Variants in LAMB1 observed in about 807,000 individuals in gnomAD.
The protein encoded by LAMB1 is laminin subunit beta-1.
In LAMB1, 121 loss-of-function variants were observed where a neutral mutation model predicts 222.3. That is an observed-to-expected ratio of 0.54 (90% CI 0.47 to 0.63). The LOEUF (loss-of-function observed/expected upper bound fraction) is 0.63. LAMB1 is among the 30% of genes least tolerant of loss of function. The pLI, the probability that LAMB1 is intolerant of heterozygous loss-of-function variation, is 0.00. For missense variants in LAMB1, 2,172 were observed against 2,240.8 expected (o/e 0.97, Z 0.62); for synonymous variants, 794 against 807.2 (o/e 0.98, Z 0.28).
At chr7:107,934,613 C>G (rs1028726764) in intron 27 of LAMB1, among the ~76,000 whole-genome samples, 5 of 152,070 alleles carry the variant, frequency 3.3e-5, no homozygotes, top group African/African-American at 1.2e-4. Context: ...CAGGGTTAAT[C>G]TTCACCAGGT....
chr7:107,982,674 C>T (rs1165199255), intron 7 of LAMB1, among the ~76,000 whole-genome samples: 2 of 152,080 alleles, frequency 1.3e-5, no homozygotes, highest in Non-Finnish European at 2.9e-5. Context: ...TGTGGAAACC[C>T]CTCAGTAGAG....
Position 107,940,156 on chromosome 7 carries a change from G to C in LAMB1, c.3594C>G (p.His1198Gln). 2 of 1,614,156 alleles carry C rather than the reference G, an allele frequency of 1.2e-6. No individual in the cohort carries two copies. The highest frequency in any genetic ancestry group is 1.1e-5 in the South Asian group (1 of 91,072). Residue 1198 changes from histidine to glutamine, a missense_variant, in exon 25 of 34, where the codon CAC (histidine) becomes CAG (glutamine). Coordinates refer to ENST00000222399, the MANE Select transcript of LAMB1 (RefSeq NM_002291.3). ...AGGCCTTGGCTTTCTCCAGGAATCT[G>C]TGTGTCCTGTTGGTCAGCTCGGCAA... ...VIIAELTNRTHRFLEKAKALK... is the reference protein window; with the variant it reads ...VIIAELTNRTQRFLEKAKALK...
chr7:107,988,115 CT>C (rs2034113853), intron 5 of LAMB1, among the ~76,000 whole-genome samples: 1 of 152,196 alleles, frequency 6.6e-6, no homozygotes, highest in African/African-American at 2.4e-5. Flanking sequence ...GAACTGACCA[CT>C]CTGAAAATTT....
intron 24 of LAMB1, among the ~76,000 whole-genome samples, chr7:107,948,473 G>A (rs927049416): frequency 3.3e-5 from 5 of 152,114 alleles, no homozygotes; most frequent in African/African-American, 1.2e-4. Context: ...TCTAGAACCT[G>A]GAAGTATCTC....
In LAMB1 at chr7:107,955,090, A is replaced by C. The variant is rs370691292; in HGVS notation, c.2854+377T>G. 1.1e-3 allele frequency among the ~76,000 whole-genome samples: 170 copies of C among 152,320 alleles called. 3 individuals carry two copies. In the South Asian group the frequency reaches 0.033, roughly 30 times the overall value. ...ATCTTGTGATTCCCTGGATGATATT[A>C]TTTCTTTCTTCTGACTACTATTTGG... On this transcript the variant is annotated intron_variant, in intron 21 of 33. Transcript: ENST00000222399.
At chr7:107,941,963 C>T (rs965509662) in intron 24 of LAMB1, among the ~76,000 whole-genome samples, 72 of 149,956 alleles carry the variant, frequency 4.8e-4, no homozygotes, top group African/African-American at 1.7e-3. Context: ...AGGTGTGAGC[C>T]ACTCTTGGGT....
chr7:107,974,140 T>C (rs754982407), intron 12 of LAMB1, among the ~76,000 whole-genome samples: 5 of 152,044 alleles, frequency 3.3e-5, no homozygotes, highest in Non-Finnish European at 5.9e-5. Flanking sequence ...TATATAAATA[T>C]ACATATTTAA....
intron 12 of LAMB1, 97 bp downstream of exon 12, chr7:107,974,889 G>A: frequency 4.1e-6 from 3 of 736,420 alleles, no homozygotes; most frequent in Non-Finnish European, 7.3e-6. Context: ...ACGTACACGT[G>A]AGGGTGATCG....
chr7:107,929,191 T>C lies in LAMB1; in HGVS notation c.4760A>G (p.Asp1587Gly). The C allele has an allele frequency of 6.2e-7, 1 of 1,614,044 alleles. No homozygotes were observed. Residue 1587 changes from aspartate to glycine, a missense_variant, in exon 31 of 34, where the codon GAT becomes GGT. Transcript: ENST00000222399. Reference sequence around the variant, plus strand: ...TACCATATCTGCAGTGACTTTAACATCTGTTGCACTTTTGCTGAGTAAAAA... The same window carrying C: ...TACCATATCTGCAGTGACTTTAACACCTGTTGCACTTTTGCTGAGTAAAAA... Reference protein sequence around the residue: ...EAKRASKSATDVKVTADMVKE... With the variant: ...EAKRASKSATGVKVTADMVKE...
chr7:107,943,172 T>C (rs551389360), intron 24 of LAMB1, among the ~76,000 whole-genome samples: 1 of 152,334 alleles, frequency 6.6e-6, no homozygotes, highest in South Asian at 2.1e-4. Flanking sequence ...AACTATCCCA[T>C]GATGAAAAGT....
chr7:107,936,822 GAA>G (rs34059674), intron 26 of LAMB1, among the ~76,000 whole-genome samples: 45 of 148,752 alleles, frequency 3.0e-4, no homozygotes, highest in South Asian at 4.3e-4. Context: ...TAACTGGAGG[GAA>G]AAAAAAAAAA....
chr7:107,960,129 A>C (rs931165692), intron 18 of LAMB1, among the ~76,000 whole-genome samples: 1 of 152,114 alleles, frequency 6.6e-6, no homozygotes, highest in Non-Finnish European at 1.5e-5. Flanking sequence ...AAAGAGAAAA[A>C]CATACATTTC....
intron 27 of LAMB1, among the ~76,000 whole-genome samples, chr7:107,933,200 T>C (rs2032754060): frequency 6.6e-6 from 1 of 152,154 alleles, no homozygotes; most frequent in Non-Finnish European, 1.5e-5. Flanking sequence ...TGCTATATGA[T>C]AGAAAAGGCT....
intron 14 of LAMB1, among the ~76,000 whole-genome samples, chr7:107,963,608 C>G (rs547630634): frequency 6.6e-6 from 1 of 152,198 alleles, no homozygotes; most frequent in Non-Finnish European, 1.5e-5. Flanking sequence ...GGGATCAACT[C>G]TTTCATTCCC....
intron 24 of LAMB1, among the ~76,000 whole-genome samples, chr7:107,943,819 G>T (rs1383477255): frequency 6.6e-6 from 1 of 152,188 alleles, no homozygotes; most frequent in Admixed American, 6.5e-5. Flanking sequence ...GCATGTGCGT[G>T]TGTGTGTATC....
At chr7:107,965,683 A>G (rs1415153474) in intron 13 of LAMB1, among the ~76,000 whole-genome samples, 2 of 152,164 alleles carry the variant, frequency 1.3e-5, no homozygotes, top group East Asian at 3.8e-4. Flanking sequence ...TGTGGTTTGG[A>G]ATTGTTACTT....
At position 107,953,585 on chromosome 7, in the gene LAMB1, G is replaced by T. The variant is rs897085696; in HGVS notation, c.3024C>A (p.His1008Gln). The stretch of plus-strand genomic sequence containing the variant: ...AGTATCCAAACCGGCAGAACTGACA[G>T]TGTTCCCCTTCCGTGTGGTACAGGC... ...LKCLYHTEGE[H>Q]CQFCRFGYYG... The change falls in exon 22 of 34, where the codon CAC becomes CAA. Residue 1008 changes from histidine (H) to glutamine (Q), a missense_variant. His to Gln is a conservative substitution (Grantham distance 24, BLOSUM62 0). Transcript: ENST00000222399. 6.2e-7 allele frequency: 1 copy of T among 1,614,238 alleles called. No individual in the cohort carries two copies. Among genetic ancestry groups the T allele is most frequent in the Admixed American group, 1.7e-5 (1 of 60,032 alleles).
intron 20 of LAMB1, 140 bp from the exon 21 acceptor site, chr7:107,955,770 T>C: frequency 1.3e-6 from 1 of 760,450 alleles, no homozygotes; most frequent in Non-Finnish European, 1.9e-6. Context: ...TCTTGCTCTG[T>C]CACCCAGGCT....
chr7:107,946,395 C>T (rs2033116582), intron 24 of LAMB1, among the ~76,000 whole-genome samples: 1 of 152,206 alleles, frequency 6.6e-6, no homozygotes, highest in South Asian at 2.1e-4. Flanking sequence ...AAATGAGCTG[C>T]CTGTCTAGCA....
Sources: gnomAD v4.1 joint callset for allele counts (sites outside exome capture counted in the v4.1 genomes callset) on GRCh38, gnomAD v4.1.1 for gene constraint, MANE v1.5 for transcripts, NCBI Gene and HGNC (gene_info 2026-07-23, HGNC 2026-07-21) for gene names.